Variants in PRH1 observed in about 807,000 individuals in gnomAD.
PRH1 encodes proline rich protein HaeIII subfamily 1, also known as salivary acidic proline-rich phosphoprotein 1/2.
PRH1 carries 7 observed loss-of-function variants against 7.9 expected under a neutral mutation model. The observed-to-expected ratio is 0.89, with a 90% CI of 0.50 to 1.67. The LOEUF is 1.67. Ranked by LOEUF, PRH1 falls within the 40% of genes most tolerant of loss-of-function variation. The probability of loss-of-function intolerance (pLI) is 0.00; values close to 1 mark genes in which losing one functional copy is unlikely to be tolerated. For synonymous variants in PRH1, 45 were observed against 80.8 expected (o/e 0.56, Z 2.38); for missense variants, 109 against 223.6 (o/e 0.49, Z 3.27).
intron 1 of PRH1, among the ~76,000 whole-genome samples, chr12:11,036,589 T>C (rs1046851702): frequency 3.3e-5 from 5 of 152,220 alleles, no homozygotes; most frequent in African/African-American, 1.2e-4. Flanking sequence ...ATTGTTTCTA[T>C]CATGATCATA....
chr12:11,105,467 G>A (rs1945382660), intron 1 of PRH1, among the ~76,000 whole-genome samples: 1 of 152,084 alleles, frequency 6.6e-6, no homozygotes, highest in Non-Finnish European at 1.5e-5. Flanking sequence ...ATCTCAATAT[G>A]CCAGTGGATG....
intron 1 of PRH1, among the ~76,000 whole-genome samples, chr12:11,038,190 TA>T (rs1785812091): frequency 6.6e-6 from 1 of 152,268 alleles, no homozygotes; most frequent in Non-Finnish European, 1.5e-5. Context: ...AAATATACTT[TA>T]TGTTTCTGCT....
intron 2 of PRH1, among the ~76,000 whole-genome samples, chr12:10,921,959 T>TGG (rs1950051188): frequency 6.6e-6 from 1 of 152,016 alleles, no homozygotes; most frequent in African/African-American, 2.4e-5. Context: ...TAGAGGGCAG[T>TGG]GGGGTCTCAC....
intron 2 of PRH1, chr12:10,965,117 C>T (rs957934676): frequency 1.5e-6 from 2 of 1,367,850 alleles, no homozygotes; most frequent in Non-Finnish European, 2.0e-6. Flanking sequence ...AATTCTTACT[C>T]CTAAACTATA....
chr12:11,071,478 C>A (rs1944066904), intron 1 of PRH1, among the ~76,000 whole-genome samples: 1 of 152,090 alleles, frequency 6.6e-6, no homozygotes, highest in Non-Finnish European at 1.5e-5. Flanking sequence ...AGAGCCAGAG[C>A]ACTTTGGGCA....
chr12:11,063,173 C>T (rs1177331966), intron 1 of PRH1, among the ~76,000 whole-genome samples: 7 of 152,070 alleles, frequency 4.6e-5, no homozygotes, highest in African/African-American at 1.4e-4. Flanking sequence ...CTATACAAAA[C>T]ATTTAGCAAT....
chr12:10,981,901 C>T (rs1384968329), intron 1 of PRH1, among the ~76,000 whole-genome samples: 4 of 144,352 alleles, frequency 2.8e-5, no homozygotes, highest in Non-Finnish European at 6.0e-5. Flanking sequence ...TACTATGTTG[C>T]CAAGGCTGAT....
At chr12:11,119,027 A>C (rs1182776945), downstream of PRH1, among the ~76,000 whole-genome samples, 4 of 150,116 alleles carry the variant, frequency 2.7e-5, no homozygotes, top group Non-Finnish European at 5.9e-5. Context: ...AAAGAGGGAG[A>C]GAGAATGTGG....
At chr12:10,895,793 A>G (rs1208034444) in intron 2 of PRH1, 2 of 152,184 alleles carry the variant, frequency 1.3e-5, no homozygotes, top group Non-Finnish European at 2.9e-5. Flanking sequence ...AATGATATTA[A>G]CCAATACAAT....
At chr12:10,913,105 T>A (rs1359099613) in intron 2 of PRH1, among the ~76,000 whole-genome samples, 1 of 152,236 alleles carries the variant, frequency 6.6e-6, no homozygotes, top group Non-Finnish European at 1.5e-5. Flanking sequence ...AGAATTGTAG[T>A]ATCTTCATGG....
intron 1 of PRH1, 89 bp downstream of exon 1, chr12:10,884,065 C>G (rs577020639): frequency 3.3e-6 from 5 of 1,506,908 alleles, no homozygotes; most frequent in Non-Finnish European, 4.6e-6. Context: ...GTTTTCTCAT[C>G]CTCCTCTCTT....
At chr12:10,929,588 G>C (rs2135864015) in intron 2 of PRH1, among the ~76,000 whole-genome samples, 1 of 152,266 alleles carries the variant, frequency 6.6e-6, no homozygotes, top group East Asian at 1.9e-4. Context: ...CATTTATAGA[G>C]ACATGGGACT....
At chr12:11,017,588 A>G (rs1392162939) in intron 1 of PRH1, among the ~76,000 whole-genome samples, 9 of 152,066 alleles carry the variant, frequency 5.9e-5, no homozygotes, top group African/African-American at 2.2e-4. Flanking sequence ...GGGTTCAATC[A>G]ATTCAAATCC....
chr12:10,962,827 T>C (rs956901695), intron 2 of PRH1, among the ~76,000 whole-genome samples: 8 of 152,240 alleles, frequency 5.3e-5, no homozygotes, highest in African/African-American at 1.7e-4. Context: ...TGGAGTGCAG[T>C]GGCGCGATCT....
intron 1 of PRH1, among the ~76,000 whole-genome samples, chr12:11,041,288 CAAAAA>C (rs67144212): frequency 1.2e-5 from 1 of 81,388 alleles, no homozygotes; most frequent in Non-Finnish European, 2.3e-5. Flanking sequence ...CAATGCAAAC[CAAAAA>C]AAAAAAAAAA....
At chr12:11,134,103 G>A (rs113026132) in intron 1 of PRH1, 1 of 1,535,362 alleles carries the variant, frequency 6.5e-7, no homozygotes, top group Admixed American at 1.8e-5. Flanking sequence ...AGAGCAGTGA[G>A]AATTTGGTCA....
At chr12:11,157,398 C>T (rs972000686) in intron 1 of PRH1, among the ~76,000 whole-genome samples, 8 of 152,084 alleles carry the variant, frequency 5.3e-5, no homozygotes, top group African/African-American at 1.7e-4. Flanking sequence ...AGACATGGGG[C>T]TTTGTGCCTT....
intron 1 of PRH1, among the ~76,000 whole-genome samples, chr12:10,980,045 T>C (rs1254863421): frequency 6.6e-6 from 1 of 152,188 alleles, no homozygotes; most frequent in African/African-American, 2.4e-5. Context: ...GGTTGGGTTC[T>C]GAGCTGAAGG....
rs1203886864 is a variant in PRH1 at position 11,150,519 on chromosome 12, A to T, written n.39+20903T>A. 2.0e-5 allele frequency among the ~76,000 whole-genome samples: 3 copies of T among 152,192 alleles called. No individual in the cohort carries two copies. In the East Asian group the frequency reaches 5.8e-4, roughly 29 times the overall value. On this transcript the variant is annotated intron_variant and non_coding_transcript_variant, in intron 1 of 1. Coordinates refer to the PRH1 transcript ENST00000541175. Reference sequence around the variant, plus strand: ...AAAATGATGAGTTCATGTCCTCTGTAGGGACATGGATGAAATTGGAAATCA... The same window carrying T: ...AAAATGATGAGTTCATGTCCTCTGTTGGGACATGGATGAAATTGGAAATCA...
Sources: allele counts gnomAD v4.1 joint callset (sites outside exome capture counted in the v4.1 genomes callset), GRCh38; gene constraint gnomAD v4.1.1; transcripts MANE v1.5; gene names NCBI Gene and HGNC (gene_info 2026-07-23, HGNC 2026-07-21).